The following TRA2A variants were observed in gnomAD, a reference collection of about 807,000 sequenced individuals.
TRA2A encodes the protein transformer 2 alpha homolog, also known as transformer-2 protein homolog alpha.
TRA2A carries 31 observed loss-of-function variants against 45.7 expected under a neutral mutation model. The ratio of observed to expected loss-of-function variants is 0.68; its 90% CI spans 0.51 to 0.92. TRA2A has a LOEUF of 0.92. Ranked by LOEUF, TRA2A falls within the 40% of genes least tolerant of loss-of-function variation. The probability of loss-of-function intolerance (pLI) is 0.00; values close to 1 mark genes in which losing one functional copy is unlikely to be tolerated. For synonymous variants in TRA2A, 132 were observed against 126.2 expected (o/e 1.05, Z -0.31); for missense variants, 304 against 367.5 (o/e 0.83, Z 1.41).
chr7:23,512,799 A>C, intron 4 of TRA2A, 95 bp downstream of exon 4: 1 of 1,049,366 alleles, frequency 9.5e-7, no homozygotes, highest in Non-Finnish European at 1.3e-6. Flanking sequence ...AAAAAAAGGA[A>C]GAAAAAAGGA....
rs1402266020 is a variant in TRA2A, at chr7:23,524,695, T to G, written c.37-2855A>C. The stretch of plus-strand genomic sequence containing the variant: ...AAGTTGTCACTATGATTTTAACTAT[T>G]TTTTTTTTTTTTGAGATGGAGTCTT... On this transcript the variant is annotated intron_variant, in intron 1 of 7. Transcript: ENST00000297071. Among the ~76,000 whole-genome samples, 3 of 5,246 alleles carry G rather than the reference T, an allele frequency of 5.7e-4. No homozygotes were observed. In the African/African-American group the frequency reaches 5.8e-3, roughly 10 times the overall value. The allele number at this position is 5,246 out of a possible 152,430, so 3.4% of individuals were successfully genotyped here.
chr7:23,505,941 T>G (rs567863178), intron 6 of TRA2A, 128 bp from the exon 7 acceptor site: 1 of 699,386 alleles, frequency 1.4e-6, no homozygotes, highest in Non-Finnish European at 2.3e-6. Flanking sequence ...TTAAGTTCTC[T>G]TTCTGCCAAT....
rs368941631 is a variant in TRA2A at position 23,521,760 on chromosome 7, T to A, written c.117A>T (p.Pro39=). The A allele has an allele frequency of 1.2e-6, 2 of 1,614,070 alleles. No individual in the cohort carries two copies. The highest frequency in any genetic ancestry group is 1.7e-6 in the Non-Finnish European group (2 of 1,180,030). ...KSESRSGSRS[P]SRVSKHSESH... is the part of the protein sequence containing the mutation. ...ATTCAGAGTGTTTGGAAACCCTTGA[T>A]GGACTACGAGATCCTGACCTGCTCT... is the stretch of plus-strand genomic sequence containing the variant. Residue 39 remains proline, a synonymous_variant, in exon 2 of 8, where the codon CCA becomes CCT. Transcript: ENST00000297071.
rs1562785580 is a variant in TRA2A at position 23,507,411 on chromosome 7, AACTCTT to A, written c.641+3_641+8del. On this transcript the variant is annotated splice_donor_5th_base_variant and intron_variant, in intron 5 of 7. Coordinates refer to ENST00000297071, the MANE Select transcript of TRA2A (RefSeq NM_013293.5). The stretch of plus-strand genomic sequence containing the variant: ...TTCATAGTTTAGCTTAGGAAACTTG[AACTCTT>A]ACTGAGTTGGTCTGCCCATGTAGAT... 6.2e-7 allele frequency: 1 copy of A among 1,605,826 alleles called. No individual in the cohort carries two copies. Among genetic ancestry groups the A allele is most frequent in the Admixed American group, 1.7e-5 (1 of 59,524 alleles).
At chr7:23,513,207 T>C in intron 3 of TRA2A, 125 bp from the exon 4 acceptor site, 3 of 708,710 alleles carry the variant, frequency 4.2e-6, no homozygotes, top group Non-Finnish European at 6.6e-6. Context: ...AATTTGGAGA[T>C]AAGATTTTAA....
intron 4 of TRA2A, among the ~76,000 whole-genome samples, chr7:23,510,603 C>T (rs1248382609): frequency 6.6e-6 from 1 of 152,090 alleles, no homozygotes; most frequent in Non-Finnish European, 1.5e-5. Flanking sequence ...GCTGGGATTA[C>T]AAGGTGCGAG....
chr7:23,531,155 A>T, intron 1 of TRA2A: 1 of 945,574 alleles, frequency 1.1e-6, no homozygotes, highest in Non-Finnish European at 1.3e-6. Context: ...AAGAACGCTT[A>T]AGGGTCGGTG....
intron 1 of TRA2A, among the ~76,000 whole-genome samples, chr7:23,523,102 G>A (rs908363938): frequency 7.9e-5 from 12 of 152,030 alleles, no homozygotes; most frequent in African/African-American, 2.9e-4. Flanking sequence ...TTTGCAACCA[G>A]ATCACTTTAA....
At chr7:23,511,068 T>A (rs1008159574) in intron 4 of TRA2A, among the ~76,000 whole-genome samples, 4 of 151,912 alleles carry the variant, frequency 2.6e-5, no homozygotes, top group African/African-American at 9.7e-5. Flanking sequence ...GAACTTACTG[T>A]TTTTAAAAGA....
intron 5 of TRA2A, chr7:23,507,127 T>C (rs1359121572): frequency 1.4e-5 from 4 of 294,618 alleles, no homozygotes; most frequent in Non-Finnish European, 2.4e-5. Flanking sequence ...CCCCTACTTA[T>C]GTTTTTTTTC....
At chr7:23,522,302 C>A in intron 1 of TRA2A, 2 of 1,162,484 alleles carry the variant, frequency 1.7e-6, no homozygotes, top group Admixed American at 3.7e-5. Context: ...TCTGACCAAT[C>A]TTCTGTTCAA....
At chr7:23,523,272 T>C (rs911322603) in intron 1 of TRA2A, among the ~76,000 whole-genome samples, 3 of 152,164 alleles carry the variant, frequency 2.0e-5, no homozygotes, top group African/African-American at 4.8e-5. Context: ...ATATTCTATA[T>C]CCAAAAAGTG....
chr7:23,508,275 TAAAAA>T (rs67642004), intron 4 of TRA2A, among the ~76,000 whole-genome samples: 28 of 101,528 alleles, frequency 2.8e-4, no homozygotes, highest in Admixed American at 6.9e-4. Context: ...TAAAGGTCAT[TAAAAA>T]AAAAAAAAAA....
intron 4 of TRA2A, 94 bp downstream of exon 4, chr7:23,512,800 G>GA (rs1209127163): frequency 1.1e-5 from 11 of 969,384 alleles, no homozygotes; most frequent in Admixed American, 3.2e-5. Context: ...AAAAAAGGAA[G>GA]AAAAAAGGAT....
Position 23,507,509 on chromosome 7 carries a change from C to T in TRA2A, c.552G>A (p.Glu184=). The change falls in exon 5 of 8, where the codon GAG becomes GAA. Residue 184 remains glutamate, a synonymous_variant. Transcript: ENST00000297071. ...CCACCCGAATTCTTCTACCATCCAG[C>T]TCCATTCCATTTGCCCTTTCCATAG... ...KEAMERANGM[E]LDGRRIRVDY... 1.2e-6 allele frequency: 2 copies of T among 1,614,172 alleles called. No individual in the cohort carries two copies. Among genetic ancestry groups the T allele is most frequent in the Non-Finnish European group, 8.5e-7 (1 of 1,180,026 alleles).
At chr7:23,522,626 A>G (rs982401683) in intron 1 of TRA2A, among the ~76,000 whole-genome samples, 7 of 151,912 alleles carry the variant, frequency 4.6e-5, no homozygotes, top group Admixed American at 3.3e-4. Flanking sequence ...AACAAAGAGA[A>G]TTTACTAAAT....
rs1034423761 is a variant in TRA2A, at chr7:23,528,169, C to T, written c.36+3620G>A. On this transcript the variant is annotated intron_variant, in intron 1 of 7. Transcript: ENST00000297071. The stretch of plus-strand genomic sequence containing the variant: ...ATCTCTCACATTTATCTTAAAACTT[C>T]ATACACAAAAAAATTTTAAGCCCAA... 3.3e-5 allele frequency among the ~76,000 whole-genome samples: 5 copies of T among 152,208 alleles called. No individual in the cohort carries two copies. The East Asian group carries it at 7.7e-4, about 23-fold the overall frequency.
intron 4 of TRA2A, among the ~76,000 whole-genome samples, chr7:23,510,129 AT>A (rs1458718292): frequency 5.3e-5 from 8 of 152,328 alleles, no homozygotes; most frequent in Admixed American, 2.6e-4. Context: ...AGTCTCAGCC[AT>A]ACAGAAGAAA....
chr7:23,516,787 A>C (rs549501451), intron 2 of TRA2A, among the ~76,000 whole-genome samples: 308 of 152,104 alleles, frequency 2.0e-3, no homozygotes, highest in Middle Eastern at 6.8e-3. Flanking sequence ...CAAAAAAAAA[A>C]CAAAAAACAA....
Sources: gnomAD v4.1 joint callset for allele counts (sites outside exome capture counted in the v4.1 genomes callset) on GRCh38, gnomAD v4.1.1 for gene constraint, MANE v1.5 for transcripts, NCBI Gene and HGNC (gene_info 2026-07-23, HGNC 2026-07-21) for gene names.